Variants in AKAP13 observed in about 807,000 individuals in gnomAD.
The protein encoded by AKAP13 is A-kinase anchoring protein 13.
AKAP13 carries 80 observed loss-of-function variants against 264.5 expected under a neutral mutation model. The ratio of observed to expected loss-of-function variants is 0.30; its 90% confidence interval spans 0.25 to 0.36. The LOEUF (loss-of-function observed/expected upper bound fraction) is 0.36, where lower values mean the gene tolerates loss of function less well. Among genes scored for constraint, AKAP13 ranks in the 10% least tolerant of loss-of-function variants. The probability of loss-of-function intolerance (pLI) is 1.00; values close to 1 mark genes in which losing one functional copy is unlikely to be tolerated. For missense variants in AKAP13, 3,712 were observed against 3,435.2 expected (o/e 1.08, Z -2.01); for synonymous variants, 1,380 against 1,250.2 (o/e 1.10, Z -2.19).
rs916678486 is a variant in AKAP13, at chr15:85,684,617, C to T, written c.5157-124C>T. The T allele has an allele frequency of 2.2e-5, 22 of 992,234 alleles. No individual in the cohort carries two copies. In the South Asian group the frequency reaches 3.2e-4, roughly 15 times the overall value. The allele number at this position is 992,234 out of a possible 1,614,324, so 61.5% of individuals were successfully genotyped here. A position where few individuals can be genotyped will look rare whatever the true frequency, so the allele number is the denominator to read the frequency against. ...CTTAGCCAAGTTTTGATAACAGAAC[C>T]TGGGCGTTGTGGCATACTCTATAAA... On this transcript the variant is annotated intron_variant, in intron 15 of 36. Coordinates refer to ENST00000394518, the MANE Select transcript of AKAP13 (RefSeq NM_007200.5).
In AKAP13 at chr15:85,521,518, C is replaced by A; in HGVS notation, c.124C>A (p.Arg42Ser). ...CTTGGTATTTTTGGGTTCCACCCTC[C>A]GTCACTGTACAAGTACTCGGAAGGT... ...FYLVFLGSTL[R>S]HCTSTRKVSS... The change falls in exon 3 of 37, where the codon CGT becomes AGT. Residue 42 changes from arginine to serine, a missense_variant. By Grantham distance (110) the Arg-to-Ser change is moderately radical. Around this residue, in one of 3 missense-constraint regions of AKAP13, gnomAD observed 2,759 missense variants for 2,411.7 expected, o/e 1.14. Transcript: ENST00000394518. 6.2e-7 allele frequency: 1 copy of A among 1,614,106 alleles called. No homozygotes were observed.
At chr15:85,422,583 A>G (rs751357983) in intron 1 of AKAP13, among the ~76,000 whole-genome samples, 6 of 152,218 alleles carry the variant, frequency 3.9e-5, no homozygotes, top group Non-Finnish European at 8.8e-5. Flanking sequence ...GAAAGAACTT[A>G]CCTTGTTTAC....
intron 1 of AKAP13, among the ~76,000 whole-genome samples, chr15:85,458,006 G>A (rs1351634877): frequency 6.6e-6 from 1 of 152,050 alleles, no homozygotes; most frequent in Non-Finnish European, 1.5e-5. Context: ...TGGGTGTGGT[G>A]GCGCCCGCCT....
At chr15:85,618,751 C>T (rs2081046848) in intron 8 of AKAP13, among the ~76,000 whole-genome samples, 1 of 152,184 alleles carries the variant, frequency 6.6e-6, no homozygotes, top group Admixed American at 6.5e-5. Flanking sequence ...TACTTAGTCG[C>T]AACAAATATT....
intron 8 of AKAP13, among the ~76,000 whole-genome samples, chr15:85,594,850 C>T (rs373968774): frequency 6.6e-6 from 1 of 152,126 alleles, no homozygotes; most frequent in African/African-American, 2.4e-5. Flanking sequence ...AGTGATATGT[C>T]GCTAGTTGAC....
rs1157236897 is a variant in AKAP13 at position 85,744,749 on chromosome 15, C to T, written c.*72C>T. 14 of 1,431,894 alleles carry T rather than the reference C, an allele frequency of 9.8e-6. No individual in the cohort carries two copies. The highest frequency in any genetic ancestry group is 1.2e-5 in the Non-Finnish European group (13 of 1,057,944). 88.7% of individuals were successfully genotyped at this position (1,431,894 alleles called of 1,614,324 possible). ...CCACCTCTCCTGCTGTCCCCGCGTG[C>T]ACAAGTCTCTTACACTGGACGCCCA... On this transcript the variant is annotated 3_prime_UTR_variant, in exon 37 of 37. Transcript: ENST00000394518.
chr15:85,420,870 G>A (rs1248806462), intron 1 of AKAP13, among the ~76,000 whole-genome samples: 1 of 152,130 alleles, frequency 6.6e-6, no homozygotes, highest in Non-Finnish European at 1.5e-5. Context: ...GATTGCTTAA[G>A]TCCAGGAGTT....
chr15:85,533,942 A>G (rs79425883), intron 4 of AKAP13, 62 bp downstream of exon 4: 32 of 1,474,114 alleles, frequency 2.2e-5, no homozygotes, highest in South Asian at 5.5e-5. Context: ...TTTTTTTTTA[A>G]TGGGGCTACT....
At chr15:85,555,038 A>G (rs529464813) in intron 5 of AKAP13, among the ~76,000 whole-genome samples, 1 of 150,126 alleles carries the variant, frequency 6.7e-6, no homozygotes, top group South Asian at 2.2e-4. Flanking sequence ...CTCCCCCCCA[A>G]AAAAAGGAAG....
At chr15:85,516,639 G>A (rs1343052466) in intron 2 of AKAP13, among the ~76,000 whole-genome samples, 2 of 151,980 alleles carry the variant, frequency 1.3e-5, no homozygotes, top group African/African-American at 2.4e-5. Context: ...TCCTCCCTGT[G>A]GAAATTCTCC....
intron 1 of AKAP13, among the ~76,000 whole-genome samples, chr15:85,439,165 GAA>G (rs1186501379): frequency 6.6e-6 from 1 of 152,044 alleles, no homozygotes; most frequent in Non-Finnish European, 1.5e-5. Flanking sequence ...CGAAGGACAT[GAA>G]CAGACACTTC....
At position 85,718,535 on chromosome 15, in the gene AKAP13, C is replaced by T. The variant is rs1384532370; in HGVS notation, c.6001+376C>T. ...ATCCAGTGAAGACCTCTTTGGAAGT[C>T]ATAATTTAAGACTGATGGAATCCGG... On this transcript the variant is annotated intron_variant, in intron 22 of 36. Coordinates refer to ENST00000394518, the MANE Select transcript of AKAP13 (RefSeq NM_007200.5). This position sits in a 1 kb window ranked among gnomAD's most constrained non-coding sequence, Gnocchi z 4.9. 2.6e-5 allele frequency among the ~76,000 whole-genome samples: 4 copies of T among 152,088 alleles called. No individual in the cohort carries two copies. Among genetic ancestry groups the T allele is most frequent in the Non-Finnish European group, 5.9e-5 (4 of 68,012 alleles).
In AKAP13 at chr15:85,745,377, T is replaced by G. The variant is rs1469681981; in HGVS notation, c.*700T>G. 6.6e-6 allele frequency: 1 copy of G among 151,876 alleles called. No homozygotes were observed. The highest frequency in any genetic ancestry group is 1.5e-5 in the Non-Finnish European group (1 of 67,980). The allele number at this position is 151,876 out of a possible 1,614,324, so 9.4% of individuals were successfully genotyped here. A position where few individuals can be genotyped will look rare whatever the true frequency, so the allele number is the denominator to read the frequency against. The stretch of plus-strand genomic sequence containing the variant: ...GGCTTGATGTGTATAAAAGACGTGA[T>G]GTGCACCACCTCGATCTCGGTGTTT... On this transcript the variant is annotated 3_prime_UTR_variant, in exon 37 of 37. Coordinates refer to ENST00000394518, the MANE Select transcript of AKAP13 (RefSeq NM_007200.5).
At chr15:85,632,409 G>A (rs1033230104) in intron 8 of AKAP13, among the ~76,000 whole-genome samples, 3 of 152,100 alleles carry the variant, frequency 2.0e-5, no homozygotes, top group African/African-American at 7.2e-5. Context: ...TATAATACTG[G>A]ACAGAAACAA....
chr15:85,460,396 G>T (rs943300354), intron 1 of AKAP13, among the ~76,000 whole-genome samples: 10 of 152,194 alleles, frequency 6.6e-5, no homozygotes, highest in South Asian at 2.1e-4. Context: ...AGAAGATACA[G>T]TGGAAGTTCA....
At chr15:85,488,713 A>G (rs1014262994) in intron 2 of AKAP13, among the ~76,000 whole-genome samples, 10 of 152,232 alleles carry the variant, frequency 6.6e-5, no homozygotes, top group Non-Finnish European at 1.5e-4. Context: ...GAAGGAGCCC[A>G]TGAGCTACGG....
Position 85,710,539 on chromosome 15 carries a change from A to G in AKAP13, c.5533-40A>G, listed in dbSNP as rs1415525743. 4 of 1,602,132 alleles carry G rather than the reference A, an allele frequency of 2.5e-6. No individual in the cohort carries two copies. The East Asian group carries it at 6.7e-5, about 27-fold the overall frequency. ...CCTACTCGGCTTCTCAGGGCTTGTC[A>G]GAGGTGAATTGTCAATGGACTTACT... On this transcript the variant is annotated intron_variant, in intron 18 of 36. Transcript: ENST00000394518.
At chr15:85,441,584 C>G (rs1468153543) in intron 1 of AKAP13, among the ~76,000 whole-genome samples, 1 of 151,944 alleles carries the variant, frequency 6.6e-6, no homozygotes, top group African/African-American at 2.4e-5. Context: ...TTGCCTTAGC[C>G]AAGATCACAA....
chr15:85,742,034 CA>C (rs1012147109), intron 35 of AKAP13, among the ~76,000 whole-genome samples: 2 of 151,980 alleles, frequency 1.3e-5, no homozygotes, highest in Non-Finnish European at 2.9e-5. Flanking sequence ...AACTCCGTCT[CA>C]AAAAAACACA....
Sources: allele counts gnomAD v4.1 joint callset (sites outside exome capture counted in the v4.1 genomes callset), GRCh38; gene constraint gnomAD v4.1.1; regional missense constraint gnomAD v4.1.1; non-coding constraint Gnocchi (gnomAD v3.1); transcripts MANE v1.5; gene names NCBI Gene and HGNC (gene_info 2026-07-23, HGNC 2026-07-21).